The following EIF4G3 variants were observed in gnomAD, a reference collection of about 807,000 sequenced individuals.
EIF4G3 encodes eIF-4-gamma 3.
A neutral mutation model predicts 186.4 loss-of-function variants in EIF4G3; 34 were observed. The observed-to-expected ratio is 0.18, with a 90% CI of 0.14 to 0.24. The LOEUF (loss-of-function observed/expected upper bound fraction) is 0.24. Among genes scored for constraint, EIF4G3 ranks in the 10% least tolerant of loss-of-function variants. The probability of loss-of-function intolerance (pLI) is 1.00; values close to 1 mark genes in which losing one functional copy is unlikely to be tolerated. For missense variants in EIF4G3, 1,536 were observed against 1,948.5 expected, an observed-to-expected ratio of 0.79 and a Z score of 3.99; for synonymous variants, 673 against 679.5, an observed-to-expected ratio of 0.99 and a Z score of 0.15.
chr1:20,858,389 C>T (rs1027480946), intron 24 of EIF4G3, among the ~76,000 whole-genome samples: 1 of 152,066 alleles, frequency 6.6e-6, no homozygotes, highest in African/African-American at 2.4e-5. Flanking sequence ...ACTTACTACT[C>T]CCTTTGCCTA....
At chr1:20,818,986 C>A (rs1173381200) in intron 33 of EIF4G3, among the ~76,000 whole-genome samples, 1 of 152,092 alleles carries the variant, frequency 6.6e-6, no homozygotes, top group African/African-American at 2.4e-5. Flanking sequence ...CCAAGTTGGA[C>A]TTGAACTCTG....
At chr1:21,085,655 C>T (rs753726390) in intron 3 of EIF4G3, among the ~76,000 whole-genome samples, 14 of 152,092 alleles carry the variant, frequency 9.2e-5, no homozygotes, top group Non-Finnish European at 1.8e-4. Flanking sequence ...CCTTGGCCTC[C>T]CCAAGTGCTG....
At chr1:21,165,687 G>T (rs1173016260) in intron 2 of EIF4G3, among the ~76,000 whole-genome samples, 1 of 152,110 alleles carries the variant, frequency 6.6e-6, no homozygotes, top group South Asian at 2.1e-4. Flanking sequence ...GGGGGAAAAT[G>T]GGGAGTCATG....
At chr1:21,055,800 C>T (rs2094536658) in intron 3 of EIF4G3, among the ~76,000 whole-genome samples, 1 of 151,832 alleles carries the variant, frequency 6.6e-6, no homozygotes, top group Non-Finnish European at 1.5e-5. Flanking sequence ...TAAACCTGTA[C>T]ACTAGTATCA....
intron 14 of EIF4G3, among the ~76,000 whole-genome samples, chr1:20,937,225 G>T (rs2095545823): frequency 6.6e-6 from 1 of 152,202 alleles, no homozygotes; most frequent in South Asian, 2.1e-4. Flanking sequence ...ACACAGTGAT[G>T]ATGAGAAAGG....
chr1:20,864,912 C>G (rs2077218986), intron 21 of EIF4G3, among the ~76,000 whole-genome samples, 200 bp from the exon 22 acceptor site: 1 of 152,064 alleles, frequency 6.6e-6, no homozygotes, highest in Admixed American at 6.6e-5. Flanking sequence ...GAATGGCTGG[C>G]ATGGAAAATT....
intron 4 of EIF4G3, among the ~76,000 whole-genome samples, chr1:21,011,190 G>A (rs1329209058): frequency 3.8e-5 from 5 of 130,160 alleles, no homozygotes; most frequent in Admixed American, 2.5e-4. Flanking sequence ...AAGCCTTCAC[G>A]ACAAATTAAA....
intron 4 of EIF4G3, among the ~76,000 whole-genome samples, chr1:21,050,582 G>A (rs926627621): frequency 6.6e-6 from 1 of 152,162 alleles, no homozygotes; most frequent in Non-Finnish European, 1.5e-5. Flanking sequence ...TGCTTTGTGG[G>A]GGGGTTTTCC....
chr1:20,815,518 T>G (rs1273982352), intron 34 of EIF4G3, among the ~76,000 whole-genome samples: 1 of 150,006 alleles, frequency 6.7e-6, no homozygotes, highest in Non-Finnish European at 1.5e-5. Flanking sequence ...CCGCCCCGTC[T>G]GAGAAGTGAG....
Position 20,815,796 on chromosome 1 carries a change from A to G in EIF4G3, c.4515+1596T>C, listed in dbSNP as rs1223894270. Reference sequence around the variant, plus strand: ...AGGGAGGTGGGGGGGTCAGCCCCCCACCCGGCCAGCCGCCCAGTCCGGGAG... The same window carrying G: ...AGGGAGGTGGGGGGGTCAGCCCCCCGCCCGGCCAGCCGCCCAGTCCGGGAG... On this transcript the variant is annotated intron_variant, in intron 34 of 36. Transcript: ENST00000602326. Among the ~76,000 whole-genome samples, 415 of 76,268 alleles carry G rather than the reference A, an allele frequency of 5.4e-3. 3 individuals carry two copies. The highest frequency in any genetic ancestry group is 0.02 in the African/African-American group (378 of 19,264). The allele number at this position is 76,268 out of a possible 152,430, so 50.0% of individuals were successfully genotyped here.
At chr1:21,156,903 C>T (rs993394712) in intron 2 of EIF4G3, among the ~76,000 whole-genome samples, 1 of 151,918 alleles carries the variant, frequency 6.6e-6, no homozygotes, top group African/African-American at 2.4e-5. Flanking sequence ...AGTGAAACCT[C>T]GTCTCTACAA....
intron 4 of EIF4G3, among the ~76,000 whole-genome samples, chr1:21,015,756 G>GAAAAAA (rs71569803): frequency 1.1e-4 from 14 of 132,084 alleles, no homozygotes; most frequent in Non-Finnish European, 1.4e-4. Flanking sequence ...TGAAAGGAAA[G>GAAAAAA]AAAAAAAAAA....
chr1:20,898,977 G>A (rs1303169938), intron 16 of EIF4G3, among the ~76,000 whole-genome samples: 6 of 152,104 alleles, frequency 3.9e-5, no homozygotes, highest in African/African-American at 9.7e-5. Context: ...TGATCCGCCC[G>A]CCTCGGCCTC....
At chr1:20,916,549 C>T (rs2093895655) in intron 14 of EIF4G3, among the ~76,000 whole-genome samples, 1 of 151,724 alleles carries the variant, frequency 6.6e-6, no homozygotes, top group African/African-American at 2.4e-5. Context: ...TCTACAGTGT[C>T]AATGCAAATC....
At chr1:20,964,708 A>T (rs1389892155) in intron 12 of EIF4G3, among the ~76,000 whole-genome samples, 1 of 152,168 alleles carries the variant, frequency 6.6e-6, no homozygotes, top group African/African-American at 2.4e-5. Context: ...GCCTAGTTCA[A>T]ATATTTCCTT....
chr1:20,830,175 T>C (rs1321910293), intron 30 of EIF4G3, among the ~76,000 whole-genome samples: 1 of 152,186 alleles, frequency 6.6e-6, no homozygotes, highest in Non-Finnish European at 1.5e-5. Flanking sequence ...ATCTCTACAA[T>C]TGTAAAACGT....
chr1:20,956,548 T>A (rs2096425105), intron 12 of EIF4G3, among the ~76,000 whole-genome samples: 1 of 133,334 alleles, frequency 7.5e-6, no homozygotes, highest in South Asian at 2.3e-4. Flanking sequence ...GAGAGTGAAA[T>A]TAAGAGGATT....
At chr1:20,901,050 C>T (rs904384557) in intron 15 of EIF4G3, among the ~76,000 whole-genome samples, 5 of 151,932 alleles carry the variant, frequency 3.3e-5, no homozygotes, top group African/African-American at 7.3e-5. Flanking sequence ...GGTTTTTAGA[C>T]TCTGTTTCTA....
chr1:21,011,452 A>G (rs533992632), intron 4 of EIF4G3, among the ~76,000 whole-genome samples: 1 of 152,320 alleles, frequency 6.6e-6, no homozygotes, highest in East Asian at 1.9e-4. Context: ...AGTACAGTAC[A>G]ACAGCCAGAA....
Sources: allele counts gnomAD v4.1 joint callset (sites outside exome capture counted in the v4.1 genomes callset), GRCh38; gene constraint gnomAD v4.1.1; transcripts MANE v1.5; gene names NCBI Gene and HGNC (gene_info 2026-07-23, HGNC 2026-07-21).